AQR: variants seen among roughly 807,000 people sequenced by gnomAD.
AQR encodes aquarius intron-binding spliceosomal factor, also known as RNA helicase aquarius.
In AQR, 61 loss-of-function variants were observed where a neutral mutation model predicts 180.5. The observed-to-expected ratio is 0.34, with a 90% CI of 0.28 to 0.42. AQR has a LOEUF of 0.42. AQR is among the 10% of genes least tolerant of loss of function. The probability of loss-of-function intolerance (pLI) is 1.00; values close to 1 mark genes in which losing one functional copy is unlikely to be tolerated. For missense variants in AQR, 1,281 were observed against 1,798.3 expected, an observed-to-expected ratio of 0.71 and a Z score of 5.20; for synonymous variants, 551 against 588.8, an observed-to-expected ratio of 0.94 and a Z score of 0.93.
At chr15:34,870,529 C>A (rs920939132) in intron 31 of AQR, among the ~76,000 whole-genome samples, 1 of 152,030 alleles carries the variant, frequency 6.6e-6, no homozygotes, top group African/African-American at 2.4e-5. Flanking sequence ...CAAAAAGTTT[C>A]AGAAACATTT....
At chr15:34,878,856 T>G (rs2140465283) in intron 27 of AQR, among the ~76,000 whole-genome samples, 1 of 152,090 alleles carries the variant, frequency 6.6e-6, no homozygotes, top group Non-Finnish European at 1.5e-5. Flanking sequence ...GGTAAAACAC[T>G]GTCTCTACTA....
chr15:34,884,437 A>T, intron 26 of AQR, 88 bp downstream of exon 26: 1 of 1,174,918 alleles, frequency 8.5e-7, no homozygotes, highest in East Asian at 2.6e-5. Context: ...AAAACAAAAG[A>T]TTTGAATATT....
chr15:34,859,338 C>A (rs2140456450), intron 34 of AQR, among the ~76,000 whole-genome samples: 1 of 152,174 alleles, frequency 6.6e-6, no homozygotes, highest in East Asian at 1.9e-4. Context: ...AAACCAAAAC[C>A]ATACTGAGAC....
chr15:34,923,588 C>T (rs1000255785), intron 13 of AQR, among the ~76,000 whole-genome samples: 1 of 151,964 alleles, frequency 6.6e-6, no homozygotes, highest in Non-Finnish European at 1.5e-5. Flanking sequence ...GTCTATAATC[C>T]GATTTGAGTT....
intron 27 of AQR, among the ~76,000 whole-genome samples, chr15:34,878,979 G>C (rs1000161417): frequency 6.6e-6 from 1 of 151,538 alleles, no homozygotes; most frequent in East Asian, 1.9e-4. Context: ...AGTGAGCTGA[G>C]ATTGCGCCAC....
In AQR at chr15:34,964,211, A is replaced by G. The variant is rs764280454; in HGVS notation, c.132+23T>C. On this transcript the variant is annotated intron_variant, in intron 2 of 34. Transcript: ENST00000156471. Reference sequence around the variant, plus strand: ...AAAGGAGTGTAACTTCTCAAGAATTATGTTGAAACCAAAAATACTTACCTT... The same window carrying G: ...AAAGGAGTGTAACTTCTCAAGAATTGTGTTGAAACCAAAAATACTTACCTT... The G allele has an allele frequency of 3.3e-4, 506 of 1,546,142 alleles. 3 individuals carry two copies. Among genetic ancestry groups the G allele is most frequent in the Non-Finnish European group, 1.1e-5 (12 of 1,122,186 alleles).
At chr15:34,922,714 T>C (rs1209286919) in intron 13 of AQR, among the ~76,000 whole-genome samples, 1 of 152,034 alleles carries the variant, frequency 6.6e-6, no homozygotes, top group Non-Finnish European at 1.5e-5. Flanking sequence ...CCACCACGCC[T>C]GGCTAATTGT....
chr15:34,965,482 C>A (rs539998668), intron 1 of AQR, among the ~76,000 whole-genome samples: 82 of 152,076 alleles, frequency 5.4e-4, no homozygotes, highest in Non-Finnish European at 1.1e-3. Flanking sequence ...ACCAGCCTGG[C>A]CAACATCGTG....
chr15:34,859,331 C>T (rs1373011039), intron 34 of AQR, among the ~76,000 whole-genome samples: 3 of 152,052 alleles, frequency 2.0e-5, no homozygotes, highest in Admixed American at 2.0e-4. Flanking sequence ...GAAATGAAAA[C>T]CAAAACCATA....
At chr15:34,944,465 C>A in intron 5 of AQR, 37 bp from the exon 6 acceptor site, 1 of 1,559,144 alleles carries the variant, frequency 6.4e-7, no homozygotes, top group Non-Finnish European at 8.6e-7. Flanking sequence ...TTTGTATTGG[C>A]TTGCTCACTT....
chr15:34,959,497 G>T (rs570616984), intron 3 of AQR, among the ~76,000 whole-genome samples: 14 of 151,930 alleles, frequency 9.2e-5, no homozygotes, highest in Admixed American at 2.0e-4. Flanking sequence ...TATACACCTG[G>T]ATATCCAACT....
At chr15:34,904,590 G>GAAATACT in intron 18 of AQR, 85 bp from the exon 19 acceptor site, 1 of 1,311,260 alleles carries the variant, frequency 7.6e-7, no homozygotes, top group Non-Finnish European at 1.0e-6. Flanking sequence ...TTCTAGAAAT[G>GAAATACT]GTGAGTAAAT....
chr15:34,934,200 A>C (rs1002776927), intron 10 of AQR, among the ~76,000 whole-genome samples: 1 of 151,318 alleles, frequency 6.6e-6, no homozygotes, highest in Non-Finnish European at 1.5e-5. Flanking sequence ...TTTTTTCTTA[A>C]TGTATTTTTA....
intron 24 of AQR, among the ~76,000 whole-genome samples, chr15:34,889,388 T>TG (rs1893107974): frequency 6.6e-6 from 1 of 152,220 alleles, no homozygotes; most frequent in Admixed American, 6.5e-5. Flanking sequence ...ATTCATCAAA[T>TG]ATCATGTTTA....
At chr15:34,890,396 G>T in intron 23 of AQR, 72 bp from the exon 24 acceptor site, 1 of 1,267,634 alleles carries the variant, frequency 7.9e-7, no homozygotes, top group Non-Finnish European at 1.1e-6. Context: ...AAGAATCAAA[G>T]TTGAAACACA....
At chr15:34,883,481 T>C (rs1306581468) in intron 26 of AQR, among the ~76,000 whole-genome samples, 1 of 152,212 alleles carries the variant, frequency 6.6e-6, no homozygotes, top group Non-Finnish European at 1.5e-5. Context: ...TCCTTTTACT[T>C]TGTGTTTATG....
At position 34,862,904 on chromosome 15, in the gene AQR, T is replaced by C. The variant is rs763440066; in HGVS notation, c.3992A>G (p.His1331Arg). 38 of 1,613,842 alleles carry C rather than the reference T, an allele frequency of 2.4e-5. No individual in the cohort carries two copies. Among genetic ancestry groups the C allele is most frequent in the East Asian group, 4.5e-5 (2 of 44,878 alleles). ...TGGGAAAGGTTCTGTTGGAATTATA[T>C]GCAAATGAAGGGGGCGAGCTGTGAG... ...SQLTARPLHLHIIPTEPFPTT... is the reference protein window; with the variant it reads ...SQLTARPLHLRIIPTEPFPTT... Residue 1331 changes from histidine (H) to arginine (R), a missense_variant, in exon 33 of 35, where the codon CAT becomes CGT. This residue lies in a region of AQR where 197 missense variants were observed against 320.7 expected (regional missense o/e 0.61). Coordinates refer to ENST00000156471, the MANE Select transcript of AQR (RefSeq NM_014691.3).
chr15:34,858,382 A>G (rs1010102285), intron 34 of AQR, among the ~76,000 whole-genome samples: 12 of 151,976 alleles, frequency 7.9e-5, no homozygotes, highest in Non-Finnish European at 1.2e-4. Flanking sequence ...TGTTAACAAA[A>G]TATGTGTAAG....
At chr15:34,913,265 T>C (rs188193649) in intron 16 of AQR, among the ~76,000 whole-genome samples, 8 of 152,272 alleles carry the variant, frequency 5.3e-5, no homozygotes, top group Admixed American at 2.0e-4. Flanking sequence ...TAAAATCTAC[T>C]TGAAGCATTA....
Sources: allele counts gnomAD v4.1 joint callset (sites outside exome capture counted in the v4.1 genomes callset), GRCh38; gene constraint gnomAD v4.1.1; regional missense constraint gnomAD v4.1.1; transcripts MANE v1.5; gene names NCBI Gene and HGNC (gene_info 2026-07-23, HGNC 2026-07-21).